DLEU7: variants seen among roughly 807,000 people sequenced by gnomAD.
The protein encoded by DLEU7 is leukemia-associated protein 7.
DLEU7 carries 17 observed loss-of-function variants against 16.0 expected under a neutral mutation model. The observed-to-expected ratio is 1.06, with a 90% CI of 0.73 to 1.59. The LOEUF (loss-of-function observed/expected upper bound fraction) is 1.59. Among genes scored for constraint, DLEU7 ranks in the 40% most tolerant of loss-of-function variants. DLEU7 has a pLI of 0.00. For missense variants in DLEU7, 308 were observed against 314.9 expected, an observed-to-expected ratio of 0.98 and a Z score of 0.17; for synonymous variants, 113 against 139.8, an observed-to-expected ratio of 0.81 and a Z score of 1.35.
chr13:50,813,133 T>A (rs1377589935), intron 1 of DLEU7: 1 of 152,150 alleles, frequency 6.6e-6, no homozygotes, highest in Non-Finnish European at 1.5e-5. Flanking sequence ...AATGCATGGA[T>A]ACCAGAACTC....
At chr13:50,835,137 A>G (rs1026788085) in intron 1 of DLEU7, among the ~76,000 whole-genome samples, 1 of 152,158 alleles carries the variant, frequency 6.6e-6, no homozygotes, top group Non-Finnish European at 1.5e-5. Context: ...GCACGTGTAT[A>G]CCTATGTAAC....
intron 1 of DLEU7, among the ~76,000 whole-genome samples, chr13:50,773,687 GCAC>G (rs1875398593): frequency 6.6e-6 from 1 of 152,152 alleles, no homozygotes; most frequent in Non-Finnish European, 1.5e-5. Context: ...GTGTCAGTGG[GCAC>G]CTACTGGGAG....
downstream of DLEU7, chr13:50,822,853 C>T (rs1353874098): frequency 4.4e-5 from 43 of 987,350 alleles, no homozygotes; most frequent in Non-Finnish European, 4.9e-5. Flanking sequence ...AGGAAGTGTC[C>T]AGTAAGTATT....
At chr13:50,841,806 T>C (rs776058027) in intron 1 of DLEU7, among the ~76,000 whole-genome samples, 18 of 151,274 alleles carry the variant, frequency 1.2e-4, no homozygotes, top group Non-Finnish European at 2.5e-4. Context: ...CATAGTTCAA[T>C]GACAGGATTA....
At chr13:50,752,595 G>A (rs1206677195) in intron 1 of DLEU7, among the ~76,000 whole-genome samples, 1 of 151,746 alleles carries the variant, frequency 6.6e-6, no homozygotes, top group Non-Finnish European at 1.5e-5. Context: ...TTCTGGTGGG[G>A]TTCGTGGTCT....
intron 1 of DLEU7, among the ~76,000 whole-genome samples, chr13:50,786,662 C>T (rs751061579): frequency 2.6e-5 from 4 of 152,120 alleles, no homozygotes; most frequent in Non-Finnish European, 5.9e-5. Context: ...CTTGGGCAAA[C>T]CCCATAATTT....
chr13:50,713,198 ACT>A (rs1566226087), exon 2 of DLEU7: 1 of 1,609,942 alleles, frequency 6.2e-7, no homozygotes, highest in African/African-American at 1.3e-5. Context: ...TGGTCCTCAC[ACT>A]CCTACAGTGA....
intron 1 of DLEU7, among the ~76,000 whole-genome samples, chr13:50,762,853 C>CCTGCATCCAGGAAAGAT (rs1874980208): frequency 6.6e-6 from 1 of 151,084 alleles, no homozygotes; most frequent in Non-Finnish European, 1.5e-5. Context: ...AAAAAGTCCC[C>CCTGCATCCAGGAAAGAT]CTGCATCCAG....
chr13:50,799,889 G>A (rs1001545776), intron 1 of DLEU7, among the ~76,000 whole-genome samples: 3 of 152,184 alleles, frequency 2.0e-5, no homozygotes. Context: ...TAGATTATCT[G>A]TCCTGCGTTG....
chr13:50,807,153 A>AT (rs141996603), intron 1 of DLEU7, among the ~76,000 whole-genome samples: 2 of 151,732 alleles, frequency 1.3e-5, no homozygotes, highest in African/African-American at 4.8e-5. Context: ...TTATCTTTAA[A>AT]TTTTTTTATA....
intron 1 of DLEU7, among the ~76,000 whole-genome samples, chr13:50,747,263 A>T (rs1354586850): frequency 3.3e-5 from 5 of 152,028 alleles, no homozygotes; most frequent in Non-Finnish European, 7.4e-5. Flanking sequence ...TGTAAAACTC[A>T]TGTAAAAATA....
chr13:50,715,111 A>C lies in DLEU7; in HGVS notation c.460-1871T>G, dbSNP rs568843782. ...GCGGGAACTGCCACTGGCTCCTTGC[A>C]GCCTCTCTCTGATTCTTGCACAAGG... On this transcript the variant is annotated intron_variant, in intron 1 of 1. Coordinates refer to the DLEU7 transcript ENST00000400393. 3.9e-5 allele frequency among the ~76,000 whole-genome samples: 6 copies of C among 152,272 alleles called. No homozygotes were observed. The East Asian group carries it at 1.2e-3, about 29-fold the overall frequency.
At chr13:50,716,375 A>C (rs111497204) in intron 1 of DLEU7, among the ~76,000 whole-genome samples, 161 of 152,356 alleles carry the variant, frequency 1.1e-3, no homozygotes, top group African/African-American at 3.5e-3. Context: ...TTTATATGCT[A>C]TATTATTTAC....
chr13:50,715,681 C>A (rs888806799), intron 1 of DLEU7, among the ~76,000 whole-genome samples: 1 of 152,184 alleles, frequency 6.6e-6, no homozygotes, highest in Admixed American at 6.5e-5. Context: ...CTGGAGGAGA[C>A]GTGTGTTAGG....
At chr13:50,778,171 G>A (rs1242222739) in intron 1 of DLEU7, among the ~76,000 whole-genome samples, 1 of 152,104 alleles carries the variant, frequency 6.6e-6, no homozygotes, top group African/African-American at 2.4e-5. Context: ...GAAAGTGAAG[G>A]GGAAGCAAGG....
At chr13:50,743,172 AAAAG>A (rs1044364644) in intron 1 of DLEU7, among the ~76,000 whole-genome samples, 1 of 151,088 alleles carries the variant, frequency 6.6e-6, no homozygotes, top group Non-Finnish European at 1.5e-5. Flanking sequence ...AAGAGAAAGA[AAAAG>A]GCAGGCAGGC....
At chr13:50,839,116 C>T (rs1001714294) in intron 1 of DLEU7, among the ~76,000 whole-genome samples, 17 of 152,344 alleles carry the variant, frequency 1.1e-4, no homozygotes, top group East Asian at 7.7e-4. Flanking sequence ...TGTACAACTA[C>T]GGCCCCTAAG....
chr13:50,799,710 A>C (rs768439900), intron 1 of DLEU7, among the ~76,000 whole-genome samples: 6 of 151,936 alleles, frequency 3.9e-5, no homozygotes, highest in Non-Finnish European at 8.8e-5. Flanking sequence ...TCCTCTCTTC[A>C]CTATTATGGA....
intron 1 of DLEU7, chr13:50,715,438 C>G (rs1172715454): frequency 1.3e-5 from 2 of 152,244 alleles, no homozygotes; most frequent in Non-Finnish European, 2.9e-5. Flanking sequence ...GAAAAGCCAG[C>G]AGGTGAGAAG....
Sources: gnomAD v4.1 joint callset for allele counts (sites outside exome capture counted in the v4.1 genomes callset) on GRCh38, gnomAD v4.1.1 for gene constraint, MANE v1.5 for transcripts, NCBI Gene and HGNC (gene_info 2026-07-23, HGNC 2026-07-21) for gene names.